ZNF608: variants seen among roughly 807,000 people sequenced by gnomAD.
ZNF608 encodes the protein zinc finger protein 608, also known as renal carcinoma antigen NY-REN-36.
Under a neutral mutation model 109.0 loss-of-function variants are expected in ZNF608, and 12 were observed. The observed-to-expected ratio is 0.11, with a 90% CI of 0.07 to 0.18. The LOEUF is 0.18. Ranked by LOEUF, ZNF608 falls within the 10% of genes least tolerant of loss-of-function variation. ZNF608 has a pLI of 1.00. For synonymous variants in ZNF608, 732 were observed against 717.4 expected, an observed-to-expected ratio of 1.02 and a Z score of -0.33; for missense variants, 1,707 against 1,879.3, an observed-to-expected ratio of 0.91 and a Z score of 1.70.
intron 2 of ZNF608, among the ~76,000 whole-genome samples, chr5:124,701,726 GA>G (rs1434601040): frequency 5.3e-5 from 8 of 152,154 alleles, no homozygotes; most frequent in Non-Finnish European, 1.2e-4. Context: ...AAACCATAAT[GA>G]ATTAAATCAC....
chr5:124,701,140 G>T lies in ZNF608; in HGVS notation c.1036C>A (p.Arg346=). The T allele has an allele frequency of 6.2e-7, 1 of 1,614,102 alleles. No homozygotes were observed. Among genetic ancestry groups the T allele is most frequent in the Non-Finnish European group, 8.5e-7 (1 of 1,180,014 alleles). The change falls in exon 3 of 10, where the codon CGG becomes AGG. Residue 346 remains arginine (R), a synonymous_variant. Transcript: ENST00000513986. ...IAAPVEQLLV[R]TRSVGVNTCE... is the part of the protein sequence containing the mutation. ...GTATTGACACCCACAGAACGAGTCC[G>T]AACCAAAAGCTGTTCAACCGGTGCT... is the stretch of plus-strand genomic sequence containing the variant.
chr5:124,664,407 C>G (rs1751394179), intron 3 of ZNF608, among the ~76,000 whole-genome samples: 1 of 152,114 alleles, frequency 6.6e-6, no homozygotes, highest in South Asian at 2.1e-4. Context: ...CAATTCAAAA[C>G]TAATAAAATA....
rs879618696 is a variant in ZNF608, at chr5:124,695,768, C to CA, written c.1162+5245dup. On this transcript the variant is annotated intron_variant, in intron 3 of 9. Coordinates refer to ENST00000513986, the MANE Select transcript of ZNF608 (RefSeq NM_020747.3). The stretch of plus-strand genomic sequence containing the variant: ...TGAGCGATGAACTGAGACCCTGTCT[C>CA]AAAAAAAAAAAGAATTAGCTTGAAC... Among the ~76,000 whole-genome samples, 143 of 140,626 alleles carry CA rather than the reference C, an allele frequency of 1.0e-3. 1 individual carries two copies. Among genetic ancestry groups the CA allele is most frequent in the Admixed American group, 2.0e-3 (28 of 14,094 alleles). The allele number at this position is 140,626 out of a possible 152,430, so 92.3% of individuals were successfully genotyped here.
chr5:124,724,957 G>C (rs1216392552), intron 2 of ZNF608, among the ~76,000 whole-genome samples: 1 of 152,096 alleles, frequency 6.6e-6, no homozygotes, highest in Non-Finnish European at 1.5e-5. Flanking sequence ...AGTCTTACTT[G>C]GTTCTGGAAG....
chr5:124,652,368 C>T (rs981098836), intron 3 of ZNF608, among the ~76,000 whole-genome samples: 2 of 152,168 alleles, frequency 1.3e-5, no homozygotes, highest in African/African-American at 4.8e-5. Context: ...CAGAAGCACT[C>T]CGTATTTAAA....
At chr5:124,715,574 A>C (rs1469874239) in intron 2 of ZNF608, among the ~76,000 whole-genome samples, 2 of 152,224 alleles carry the variant, frequency 1.3e-5, no homozygotes, top group African/African-American at 4.8e-5. Context: ...TAAATCAGTC[A>C]AGAAAAACTA....
upstream of ZNF608, among the ~76,000 whole-genome samples, chr5:124,747,257 T>TC (rs1749671725): frequency 6.6e-6 from 1 of 151,868 alleles, no homozygotes; most frequent in African/African-American, 2.4e-5. Flanking sequence ...ATTTATTTTT[T>TC]CTCTCCTCTC....
At chr5:124,683,173 A>G (rs969065521) in intron 3 of ZNF608, among the ~76,000 whole-genome samples, 3 of 152,218 alleles carry the variant, frequency 2.0e-5, no homozygotes. Flanking sequence ...AAGGAAGCTT[A>G]GAAGTGGCTC....
At position 124,684,258 on chromosome 5, in the gene ZNF608, A is replaced by T. The variant is rs60605290; in HGVS notation, c.1162+16756T>A. On this transcript the variant is annotated intron_variant, in intron 3 of 9. Transcript: ENST00000513986. ...TTGCTACCTGATTCTGCCATGAAGAACACTCTAATATCTTAACACTCCTTT... is the reference window on the plus strand; with the variant it reads ...TTGCTACCTGATTCTGCCATGAAGATCACTCTAATATCTTAACACTCCTTT... Among the ~76,000 whole-genome samples, 1,482 of 152,316 alleles carry T rather than the reference A, an allele frequency of 9.7e-3. 30 individuals carry two copies. Among genetic ancestry groups the T allele is most frequent in the African/African-American group, 0.034 (1,409 of 41,558 alleles).
chr5:124,655,946 A>C (rs1304077485), intron 3 of ZNF608, among the ~76,000 whole-genome samples: 1 of 152,260 alleles, frequency 6.6e-6, no homozygotes, highest in Non-Finnish European at 1.5e-5. Context: ...GCCAAAAATC[A>C]GAGGGACTTT....
chr5:124,690,828 C>G (rs1752590078), intron 3 of ZNF608, among the ~76,000 whole-genome samples: 1 of 151,736 alleles, frequency 6.6e-6, no homozygotes, highest in Admixed American at 6.6e-5. Flanking sequence ...AAACAATGAA[C>G]AGAGTAAAAG....
intron 2 of ZNF608, among the ~76,000 whole-genome samples, chr5:124,706,098 G>T (rs1464367904): frequency 6.6e-6 from 1 of 152,176 alleles, no homozygotes; most frequent in Non-Finnish European, 1.5e-5. Flanking sequence ...ACAACCAAAG[G>T]AACTTTCATG....
rs540020831 is a variant in ZNF608, at chr5:124,637,499, C to T, written c.*401G>A. The T allele has an allele frequency of 1.8e-3, 274 of 152,660 alleles. No individual in the cohort carries two copies. The highest frequency in any genetic ancestry group is 3.0e-3 in the Non-Finnish European group (204 of 68,054). 9.5% of individuals were successfully genotyped at this position (152,660 alleles called of 1,614,324 possible). On this transcript the variant is annotated 3_prime_UTR_variant, in exon 10 of 10. Transcript: ENST00000513986. ...ACTGATACATAACATTATTTATTTACAATTTTAAAGGAAAAGGAAAAGAAA... is the reference window on the plus strand; with the variant it reads ...ACTGATACATAACATTATTTATTTATAATTTTAAAGGAAAAGGAAAAGAAA...
chr5:124,692,190 T>C (rs1415863506), intron 3 of ZNF608, among the ~76,000 whole-genome samples: 2 of 152,244 alleles, frequency 1.3e-5, no homozygotes, highest in African/African-American at 4.8e-5. Context: ...TGAGATTTTA[T>C]AATGGATTTT....
chr5:124,723,032 A>T (rs148867114), intron 2 of ZNF608, among the ~76,000 whole-genome samples: 193 of 142,888 alleles, frequency 1.4e-3, no homozygotes, highest in African/African-American at 4.1e-3. Context: ...TAAAAAAAAA[A>T]TTTTTTTTTT....
chr5:124,701,090 C>A lies in ZNF608; in HGVS notation c.1086G>T (p.Glu362Asp), dbSNP rs1261120261. ...VNTCEVGVVTEPECLGPCEPG... is the reference protein window; with the variant it reads ...VNTCEVGVVTDPECLGPCEPG... ...GTTCACAGGGCCCAAGACACTCTGG[C>A]TCTGTCACTACTCCAACTTCACATG... is the stretch of plus-strand genomic sequence containing the variant. Residue 362 changes from glutamate (E) to aspartate (D), a missense_variant, in exon 3 of 10, where the codon GAG becomes GAT. Glu to Asp is a conservative substitution (Grantham distance 45). This residue lies in a region of ZNF608 where 16 missense variants were observed against 37.0 expected (regional missense o/e 0.43). Coordinates refer to ENST00000513986, the MANE Select transcript of ZNF608 (RefSeq NM_020747.3). 1 of 1,614,054 alleles carries A rather than the reference C, an allele frequency of 6.2e-7. No homozygotes were observed. Among genetic ancestry groups the A allele is most frequent in the Admixed American group, 1.7e-5 (1 of 60,002 alleles).
At chr5:124,668,461 T>A (rs918153707) in intron 3 of ZNF608, among the ~76,000 whole-genome samples, 5 of 151,704 alleles carry the variant, frequency 3.3e-5, no homozygotes, top group Admixed American at 2.6e-4. Flanking sequence ...TCCATATTTG[T>A]CCTCCTTATC....
In ZNF608 at chr5:124,744,371, C is replaced by T. The variant is rs538913070; in HGVS notation, c.619G>A (p.Ala207Thr). The T allele has an allele frequency of 4.7e-5, 76 of 1,614,278 alleles. No homozygotes were observed. The South Asian group carries it at 7.4e-4, about 16-fold the overall frequency. ...TGCTTGTCCTTCCTGGATTTCCCCGCATCCTTATCCCGCTTGGCGCCTCGG... is the reference window on the plus strand; with the variant it reads ...TGCTTGTCCTTCCTGGATTTCCCCGTATCCTTATCCCGCTTGGCGCCTCGG... Reference protein sequence around the residue: ...SSRGAKRDKDAGKSRKDKHDL... With the variant: ...SSRGAKRDKDTGKSRKDKHDL... Residue 207 changes from alanine to threonine, a missense_variant, in exon 2 of 10, where the codon GCG becomes ACG. Ala to Thr is a moderately conservative substitution (Grantham distance 58). This residue lies in a region of ZNF608 where 407 missense variants were observed against 398.7 expected (regional missense o/e 1.02). Transcript: ENST00000513986. This position sits in a 1 kb window ranked among gnomAD's most constrained non-coding sequence, Gnocchi z 4.5.
rs188521283 is a variant in ZNF608 at position 124,656,244 on chromosome 5, T to C, written c.1163-6547A>G. Among the ~76,000 whole-genome samples the C allele has an allele frequency of 3.9e-5, 6 of 152,282 alleles. No individual in the cohort carries two copies. In the East Asian group the frequency reaches 9.7e-4, roughly 25 times the overall value. On this transcript the variant is annotated intron_variant, in intron 3 of 9. Coordinates refer to ENST00000513986, the MANE Select transcript of ZNF608 (RefSeq NM_020747.3). The stretch of plus-strand genomic sequence containing the variant: ...TGTAATGAAACACTTTATGCCCTAG[T>C]GTGCCGCCACCCCAGTCATAAACCC...
Sources: allele counts gnomAD v4.1 joint callset (sites outside exome capture counted in the v4.1 genomes callset), GRCh38; gene constraint gnomAD v4.1.1; regional missense constraint gnomAD v4.1.1; non-coding constraint Gnocchi (gnomAD v3.1); transcripts MANE v1.5; gene names NCBI Gene and HGNC (gene_info 2026-07-23, HGNC 2026-07-21).